Variants in RBM3 observed in about 807,000 individuals in gnomAD.
The protein encoded by RBM3 is RNA binding motif protein 3, also known as RNA-binding protein 3.
RBM3 carries 3 observed loss-of-function variants against 12.0 expected under a neutral mutation model. The observed-to-expected ratio is 0.25, with a 90% CI of 0.11 to 0.65. The LOEUF (loss-of-function observed/expected upper bound fraction) is 0.65, where lower values mean the gene tolerates loss of function less well. Among genes scored for constraint, RBM3 ranks in the 30% least tolerant of loss-of-function variants. RBM3 has a pLI of 0.84. For missense variants in RBM3, 108 were observed against 134.5 expected, an observed-to-expected ratio of 0.80 and a Z score of 0.97; for synonymous variants, 58 against 45.7, an observed-to-expected ratio of 1.27 and a Z score of -1.08.
At chrX:48,575,836 C>T in intron 3 of RBM3, 169 bp downstream of exon 3, 1 of 567,750 alleles carries the variant, frequency 1.8e-6, no homozygotes, top group Non-Finnish European at 2.7e-6. Flanking sequence ...CAGCGGCAGA[C>T]AGAGCCTGGC....
intron 1 of RBM3, chrX:48,574,811 C>G (rs984512339): frequency 5.9e-6 from 2 of 339,102 alleles, no homozygotes; most frequent in African/African-American, 2.6e-5. Flanking sequence ...GTGGCAGTGA[C>G]CACGCGACAG....
In RBM3 at chrX:48,577,704, A is replaced by T. The variant is rs2062087399; in HGVS notation, c.*263A>T. 4.8e-6 allele frequency: 1 copy of T among 207,207 alleles called. No homozygotes were observed. Among genetic ancestry groups the T allele is most frequent in the Middle Eastern group, 1.9e-3 (1 of 536 alleles). 17.1% of individuals were successfully genotyped at this position (207,207 alleles called of 1,213,427 possible). A position where few individuals can be genotyped will look rare whatever the true frequency, so the allele number is the denominator to read the frequency against. Reference sequence around the variant, plus strand: ...GAACCTGAGTATTTTTCTTTTTACCAGTTTTTTAGTTTGAGCTCTTAGGTT... The same window carrying T: ...GAACCTGAGTATTTTTCTTTTTACCTGTTTTTTAGTTTGAGCTCTTAGGTT... On this transcript the variant is annotated 3_prime_UTR_variant, in exon 7 of 7. Transcript: ENST00000376759.
chrX:48,575,876 GA>G, intron 3 of RBM3: 1 of 517,047 alleles, frequency 1.9e-6, no homozygotes, highest in Middle Eastern at 3.4e-4. Context: ...GGTCCTGCAT[GA>G]GGCCGAGAAG....
At chrX:48,576,958 G>A (rs782337337) in intron 5 of RBM3, 68 bp from the exon 6 acceptor site, 55 of 1,125,678 alleles carry the variant, frequency 4.9e-5, no homozygotes, top group Admixed American at 1.2e-4. Context: ...AAAATGTGAC[G>A]CATATAATTA....
rs1375273826 is a variant in RBM3, at chrX:48,581,083, G to C, written c.*3642G>C. On this transcript the variant is annotated 3_prime_UTR_variant, in exon 7 of 7. Coordinates refer to ENST00000376759, the MANE Select transcript of RBM3 (RefSeq NM_006743.5). ...CCTGGATCTGGGGGCGGGGGGGGGC[G>C]GGGGGAATGGGTCTTTTCTAAATTG... The C allele has an allele frequency of 1.1e-5, 1 of 94,277 alleles. No individual in the cohort carries two copies. Among genetic ancestry groups the C allele is most frequent in the Non-Finnish European group, 2.1e-5 (1 of 47,978 alleles). 7.8% of individuals were successfully genotyped at this position (94,277 alleles called of 1,213,427 possible).
intron 2 of RBM3, 74 bp from the exon 3 acceptor site, chrX:48,575,487 C>A: frequency 2.0e-6 from 2 of 976,946 alleles, no homozygotes; most frequent in South Asian, 4.4e-5. Flanking sequence ...ATCTCCTTTT[C>A]CGGCCACCCT....
chrX:48,577,293 G>T (rs2062085299), intron 6 of RBM3, 172 bp from the exon 7 acceptor site: 10 of 1,033,165 alleles, frequency 9.7e-6, no homozygotes, highest in African/African-American at 7.6e-5. Context: ...TTTGCTAGGG[G>T]GTGGGATCTG....
Position 48,578,199 on chromosome X carries a change from T to C in RBM3, c.*758T>C, listed in dbSNP as rs1602133832. On this transcript the variant is annotated 3_prime_UTR_variant, in exon 7 of 7. Transcript: ENST00000376759. ...ATGTTTGCAAATGTCTTTTTTTTTT[T>C]AATACTGGAAGAAAAAATATTCTGT... 1 of 111,392 alleles carries C rather than the reference T, an allele frequency of 9.0e-6. No individual in the cohort carries two copies. Among genetic ancestry groups the C allele is most frequent in the Admixed American group, 9.6e-5 (1 of 10,370 alleles). The allele number at this position is 111,392 out of a possible 1,213,427, so 9.2% of individuals were successfully genotyped here.
chrX:48,574,752 C>T, intron 1 of RBM3, 179 bp downstream of exon 1: 1 of 332,599 alleles, frequency 3.0e-6, no homozygotes, highest in South Asian at 2.6e-5. Flanking sequence ...GAGGCCGGCG[C>T]GCTGTATCTG....
In RBM3 at chrX:48,580,551, C is replaced by A. The variant is rs1301557605; in HGVS notation, c.*3110C>A. ...AGCTGGGATTACAGGTGCCTGCCACCACGCCCGGCTAATTTTTGTATTAAT... is the reference window on the plus strand; with the variant it reads ...AGCTGGGATTACAGGTGCCTGCCACAACGCCCGGCTAATTTTTGTATTAAT... On this transcript the variant is annotated 3_prime_UTR_variant, in exon 7 of 7. Coordinates refer to ENST00000376759, the MANE Select transcript of RBM3 (RefSeq NM_006743.5). 1.8e-5 allele frequency among the ~76,000 whole-genome samples: 2 copies of A among 111,276 alleles called. No homozygotes were observed. Among genetic ancestry groups the A allele is most frequent in the African/African-American group, 6.5e-5 (2 of 30,567 alleles).
intron 1 of RBM3, 78 bp downstream of exon 1, chrX:48,574,651 G>A: frequency 3.0e-6 from 1 of 331,911 alleles, no homozygotes; most frequent in Non-Finnish European, 5.9e-6. Flanking sequence ...GGAATAGCGA[G>A]TGGGGAGAGT....
chrX:48,576,630 TCTC>T lies in RBM3; in HGVS notation c.413+29_413+31del, dbSNP rs782793233. 5.9e-5 allele frequency: 68 copies of T among 1,161,071 alleles called. No homozygotes were observed. In the East Asian group the frequency reaches 1.1e-3, roughly 19 times the overall value. On this transcript the variant is annotated intron_variant, in intron 5 of 6. Coordinates refer to ENST00000376759, the MANE Select transcript of RBM3 (RefSeq NM_006743.5). ...GTGGGTAGCCAAAGGGCTGGGATGTTCTCCTATTGCTTCCCTCTCCTTAAGAAC... is the reference window on the plus strand; with the variant it reads ...GTGGGTAGCCAAAGGGCTGGGATGTTCTATTGCTTCCCTCTCCTTAAGAAC...
In RBM3 at chrX:48,580,787, G is replaced by A. The variant is rs1279180632; in HGVS notation, c.*3346G>A. 2 of 111,903 alleles carry A rather than the reference G, an allele frequency of 1.8e-5. No individual in the cohort carries two copies. The highest frequency in any genetic ancestry group is 6.5e-5 in the African/African-American group (2 of 30,756). The allele number at this position is 111,903 out of a possible 1,213,427, so 9.2% of individuals were successfully genotyped here. On this transcript the variant is annotated 3_prime_UTR_variant, in exon 7 of 7. Transcript: ENST00000376759. ...TGTTCTGGATTGGGGAGTTGTGGGG[G>A]TGGAGGTGTAGAACTTTTAAAAAGC...
intron 2 of RBM3, 118 bp downstream of exon 2, chrX:48,575,401 G>T: frequency 1.2e-6 from 1 of 838,656 alleles, no homozygotes; most frequent in Non-Finnish European, 1.7e-6. Flanking sequence ...TTCTTCCTAA[G>T]CCTATGGTGT....
Position 48,575,162 on chromosome X carries a change from C to T in RBM3, c.-13-6C>T. 2 of 1,159,876 alleles carry T rather than the reference C, an allele frequency of 1.7e-6. No homozygotes were observed. The highest frequency in any genetic ancestry group is 2.3e-6 in the Non-Finnish European group (2 of 852,256). On this transcript the variant is annotated splice_polypyrimidine_tract_variant and splice_region_variant and intron_variant, in intron 1 of 6. Transcript: ENST00000376759. ...CCTGCCACCATTCTTCATGTTCTTC[C>T]CACAGGACTTGAACTGCCATGTCCT... is the stretch of plus-strand genomic sequence containing the variant.
intron 2 of RBM3, 129 bp from the exon 3 acceptor site, chrX:48,575,432 C>A: frequency 1.3e-6 from 1 of 782,332 alleles, no homozygotes; most frequent in Non-Finnish European, 1.9e-6. Context: ...TGAGGGGAAG[C>A]GTCTTTGGGA....
chrX:48,576,336 G>A lies in RBM3; in HGVS notation c.233G>A (p.Arg78His), dbSNP rs372825554. 2 of 1,209,007 alleles carry A rather than the reference G, an allele frequency of 1.7e-6. No individual in the cohort carries two copies. Among genetic ancestry groups the A allele is most frequent in the African/African-American group, 1.7e-5 (1 of 57,146 alleles). Residue 78 changes from arginine to histidine, a missense_variant, in exon 4 of 7, where the codon CGT becomes CAT. This residue lies in a region of RBM3 where 43 missense variants were observed against 79.6 expected (regional missense o/e 0.54). Transcript: ENST00000376759. ...TAGTCTCTGGATGGTCGTCAGATCC[G>A]TGTGGATCATGCAGGCAAGTCTGCT... ...NGESLDGRQIRVDHAGKSARG... is the reference protein window; with the variant it reads ...NGESLDGRQIHVDHAGKSARG...
intron 2 of RBM3, 105 bp downstream of exon 2, chrX:48,575,388 T>G: frequency 2.3e-6 from 2 of 864,678 alleles, no homozygotes; most frequent in Non-Finnish European, 3.3e-6. Flanking sequence ...CTCCAAATTC[T>G]TTTTCTTCCT....
intron 6 of RBM3, 56 bp downstream of exon 6, chrX:48,577,165 C>G: frequency 8.3e-7 from 1 of 1,203,138 alleles, no homozygotes; most frequent in Non-Finnish European, 1.1e-6. Flanking sequence ...TGTCATGACC[C>G]TCTCACCTTT....
Sources: gnomAD v4.1 joint callset for allele counts (sites outside exome capture counted in the v4.1 genomes callset) on GRCh38, gnomAD v4.1.1 for gene constraint, gnomAD v4.1.1 regional missense constraint, MANE v1.5 for transcripts, NCBI Gene and HGNC (gene_info 2026-07-23, HGNC 2026-07-21) for gene names.